Variants in CLTCL1 observed in about 807,000 individuals in gnomAD.
CLTCL1 encodes clathrin heavy chain like 1, also known as clathrin heavy chain 2.
CLTCL1 carries 159 observed loss-of-function variants against 190.0 expected under a neutral mutation model. The ratio of observed to expected loss-of-function variants is 0.84; its 90% CI spans 0.74 to 0.95. The LOEUF is 0.95. CLTCL1 is among the 40% of genes least tolerant of loss of function. The pLI, the probability that CLTCL1 is intolerant of heterozygous loss-of-function variation, is 0.00. For missense variants in CLTCL1, 1,878 were observed against 2,033.4 expected (o/e 0.92, Z 1.47); for synonymous variants, 752 against 769.6 (o/e 0.98, Z 0.38).
chr22:19,201,426 T>TTAGAAACATTGCTA lies in CLTCL1; in HGVS notation c.3654_3667dup (p.Asn1223IlefsTer69), dbSNP rs782818644. The TTAGAAACATTGCTA allele has an allele frequency of 6.2e-7, 1 of 1,613,910 alleles. No homozygotes were observed. The highest frequency in any genetic ancestry group is 8.5e-7 in the Non-Finnish European group (1 of 1,179,846). On this transcript the variant is annotated frameshift_variant, in exon 23 of 33. Coordinates refer to ENST00000427926, the MANE Select transcript of CLTCL1 (RefSeq NM_007098.4). LOFTEE classifies it high-confidence loss of function. ...CAAGGTGGAAGCCAGGCGGGCAAAGTTAGAAACATTGCTATAGAGCAGCTT... is the reference window on the plus strand; with the variant it reads ...CAAGGTGGAAGCCAGGCGGGCAAAGTTAGAAACATTGCTATAGAAACATTGCTATAGAGCAGCTT...
intron 20 of CLTCL1, among the ~76,000 whole-genome samples, chr22:19,209,946 T>C (rs1370117705): frequency 6.6e-6 from 1 of 151,138 alleles, no homozygotes; most frequent in African/African-American, 2.4e-5. Flanking sequence ...ATGGGGAGTA[T>C]AGGGGGTGAG....
intron 2 of CLTCL1, among the ~76,000 whole-genome samples, chr22:19,261,681 G>A (rs185511223): frequency 7.2e-5 from 11 of 152,304 alleles, no homozygotes; most frequent in African/African-American, 2.6e-4. Context: ...ATTAGAAGTG[G>A]AGCCTGAAGA....
intron 2 of CLTCL1, among the ~76,000 whole-genome samples, chr22:19,266,005 C>G (rs1180664910): frequency 6.6e-6 from 1 of 152,168 alleles, no homozygotes; most frequent in Non-Finnish European, 1.5e-5. Flanking sequence ...TTCTGAGTAG[C>G]TGGAACCACA....
intron 12 of CLTCL1, 91 bp from the exon 13 acceptor site, chr22:19,225,724 T>G: frequency 1.7e-6 from 2 of 1,190,862 alleles, no homozygotes; most frequent in Non-Finnish European, 2.3e-6. Flanking sequence ...CCTGTTCCCC[T>G]GAGTGTCAAA....
intron 4 of CLTCL1, among the ~76,000 whole-genome samples, chr22:19,241,941 CTTT>C (rs35692303): frequency 1.4e-5 from 2 of 139,042 alleles, no homozygotes; most frequent in African/African-American, 2.7e-5. Context: ...CCTCATCTAC[CTTT>C]TTTTTTTTTT....
intron 9 of CLTCL1, chr22:19,232,847 C>T (rs547293772): frequency 1.9e-4 from 109 of 579,690 alleles, no homozygotes; most frequent in African/African-American, 1.8e-3. Context: ...TGTGCAAACA[C>T]AGCCTGCCAG....
chr22:19,260,911 T>C (rs528312004), intron 2 of CLTCL1, among the ~76,000 whole-genome samples: 8 of 151,432 alleles, frequency 5.3e-5, no homozygotes, highest in Non-Finnish European at 5.9e-5. Context: ...TAAAACTCAC[T>C]GTTCAGATCT....
chr22:19,216,010 G>A, intron 19 of CLTCL1, 101 bp downstream of exon 19: 2 of 1,180,900 alleles, frequency 1.7e-6, no homozygotes, highest in Non-Finnish European at 2.4e-6. Context: ...CCAATGGGCA[G>A]GCTGGATGGG....
In CLTCL1 at chr22:19,187,723, T is replaced by TA. The variant is rs1555929105; in HGVS notation, c.4439dup (p.Leu1480PhefsTer9). On this transcript the variant is annotated frameshift_variant, in exon 29 of 33. Coordinates refer to ENST00000427926, the MANE Select transcript of CLTCL1 (RefSeq NM_007098.4). LOFTEE classifies it high-confidence loss of function. The stretch of plus-strand genomic sequence containing the variant: ...TGTCATAGGCATCGATAGATGCCCT[T>TA]AAGCCCTAGGAAGACAGCCTTTCTG... 6.2e-7 allele frequency: 1 copy of TA among 1,613,534 alleles called. No individual in the cohort carries two copies. Among genetic ancestry groups the TA allele is most frequent in the Admixed American group, 1.7e-5 (1 of 59,984 alleles).
At chr22:19,212,648 AAAG>A (rs1257742922) in intron 19 of CLTCL1, among the ~76,000 whole-genome samples, 8 of 148,228 alleles carry the variant, frequency 5.4e-5, no homozygotes, top group Non-Finnish European at 1.2e-4. Flanking sequence ...GAGAAAGAAA[AAAG>A]AAAGAAAGAA....
rs1471876474 is a variant in CLTCL1, at chr22:19,198,110, C to T, written c.3874-1454G>A. Among the ~76,000 whole-genome samples the T allele has an allele frequency of 6.6e-6, 1 of 152,222 alleles. No individual in the cohort carries two copies. The highest frequency in any genetic ancestry group is 1.5e-5 in the Non-Finnish European group (1 of 68,038). ...CCTCCCGTGCTGCACCTTCAGTCTTCCCCTCATCCACTGGTGATAACTCCG... is the reference window on the plus strand; with the variant it reads ...CCTCCCGTGCTGCACCTTCAGTCTTTCCCTCATCCACTGGTGATAACTCCG... On this transcript the variant is annotated intron_variant, in intron 24 of 32. Transcript: ENST00000427926. The surrounding 1 kb of genome is among the most constrained non-coding windows in gnomAD (Gnocchi z 4.1).
Position 19,254,016 on chromosome 22 carries a change from A to T in CLTCL1, c.462T>A (p.Ile154=). The change falls in exon 3 of 33, where the codon ATT becomes ATA. Residue 154 remains isoleucine, a synonymous_variant. Coordinates refer to ENST00000427926, the MANE Select transcript of CLTCL1 (RefSeq NM_007098.4). Reference sequence around the variant, plus strand: ...TCTGGTACTCATCAGTCCGGTAGTGAATCACCTGGCAGCCCACCAGACTGG... The same window carrying T: ...TCTGGTACTCATCAGTCCGGTAGTGTATCACCTGGCAGCCCACCAGACTGG... The part of the protein sequence containing the change: ...RHTSLVGCQV[I]HYRTDEYQKW... 1.2e-6 allele frequency: 2 copies of T among 1,613,076 alleles called. No individual in the cohort carries two copies. The highest frequency in any genetic ancestry group is 1.7e-6 in the Non-Finnish European group (2 of 1,179,476).
At chr22:19,238,098 T>C (rs1411636963) in intron 5 of CLTCL1, among the ~76,000 whole-genome samples, 2 of 152,118 alleles carry the variant, frequency 1.3e-5, no homozygotes, top group East Asian at 3.8e-4. Context: ...TATTTATTTA[T>C]TTTTTGGAAA....
Position 19,201,331 on chromosome 22 carries a change from C to T in CLTCL1, c.3763G>A (p.Glu1255Lys). Residue 1255 changes from glutamate (E) to lysine (K), a missense_variant and splice_region_variant, in exon 23 of 33, where the codon GAG (glutamate) becomes AAG (lysine). Physicochemically the swap from Glu to Lys is moderately conservative, Grantham distance 56. Transcript: ENST00000427926. ...GTCTGCAGTTGCCCGCAGCTCACCT[C>T]CTTCCACGTCCGGGTGCTGCTGGCC... ...RKASSTRTWK[E>K]VCFACMDGQE... is the part of the protein sequence containing the mutation. The T allele has an allele frequency of 6.2e-7, 1 of 1,609,820 alleles. No individual in the cohort carries two copies. The highest frequency in any genetic ancestry group is 2.2e-5 in the East Asian group (1 of 44,802).
rs2146173147 is a variant in CLTCL1 at position 19,180,814 on chromosome 22, G to A, written c.4828-8C>T. ...GGCATCCAGTTTGTCCACCTGCAAG[G>A]AGGCAAAAGCACGTGAGCACCCGCT... On this transcript the variant is annotated splice_polypyrimidine_tract_variant and splice_region_variant and intron_variant, in intron 30 of 32. Transcript: ENST00000427926. The A allele has an allele frequency of 6.2e-7, 1 of 1,613,692 alleles. No individual in the cohort carries two copies. The highest frequency in any genetic ancestry group is 2.2e-5 in the East Asian group (1 of 44,882).
chr22:19,205,582 A>G (rs2085024485), intron 22 of CLTCL1, among the ~76,000 whole-genome samples: 1 of 152,220 alleles, frequency 6.6e-6, no homozygotes, highest in Non-Finnish European at 1.5e-5. Context: ...TCATGCTGCA[A>G]TGATTAAATA....
intron 2 of CLTCL1, 36 bp downstream of exon 2, chr22:19,275,587 G>A (rs1555982759): frequency 7.1e-6 from 11 of 1,545,952 alleles, no homozygotes; most frequent in African/African-American, 1.4e-5. Flanking sequence ...GTTAAAATGA[G>A]GTAAGATTCC....
intron 1 of CLTCL1, among the ~76,000 whole-genome samples, chr22:19,284,825 G>C (rs1180909408): frequency 6.6e-6 from 1 of 151,890 alleles, no homozygotes; most frequent in Admixed American, 6.6e-5. Flanking sequence ...ATGGTGGCAC[G>C]CACCTGTAGT....
At chr22:19,244,201 G>A (rs1421706446) in intron 3 of CLTCL1, among the ~76,000 whole-genome samples, 2 of 152,068 alleles carry the variant, frequency 1.3e-5, no homozygotes, top group Non-Finnish European at 2.9e-5. Context: ...CTTAAAATGG[G>A]ATAACAAAGG....
Sources: allele counts gnomAD v4.1 joint callset (sites outside exome capture counted in the v4.1 genomes callset), GRCh38; gene constraint gnomAD v4.1.1; non-coding constraint Gnocchi (gnomAD v3.1); transcripts MANE v1.5; gene names NCBI Gene and HGNC (gene_info 2026-07-23, HGNC 2026-07-21).